Variants in YWHAB observed in about 807,000 individuals in gnomAD.
YWHAB encodes 14-3-3 protein beta/alpha.
Under a neutral mutation model 28.5 loss-of-function variants are expected in YWHAB, and 2 were observed. That is an observed-to-expected ratio of 0.07 (90% CI 0.03 to 0.22). YWHAB has a LOEUF of 0.22. Among genes scored for constraint, YWHAB ranks in the 10% least tolerant of loss-of-function variants. The pLI is 1.00. For synonymous variants in YWHAB, 103 were observed against 104.7 expected (o/e 0.98, Z 0.10); for missense variants, 148 against 297.1 (o/e 0.50, Z 3.69).
intron 4 of YWHAB, 96 bp downstream of exon 4, chr20:44,905,227 T>TG: frequency 7.5e-7 from 1 of 1,330,172 alleles, no homozygotes; most frequent in Non-Finnish European, 1.0e-6. Flanking sequence ...TCTTGGACTT[T>TG]TTTTGAAAGA....
intron 1 of YWHAB, among the ~76,000 whole-genome samples, chr20:44,896,844 ATAT>A (rs2066598899): frequency 3.3e-5 from 5 of 152,328 alleles, no homozygotes; most frequent in Admixed American, 3.3e-4. Context: ...AATCCATGTT[ATAT>A]AAGTCAAAAG....
chr20:44,887,252 A>G (rs1156447572), intron 1 of YWHAB: 1 of 152,186 alleles, frequency 6.6e-6, no homozygotes, highest in Non-Finnish European at 1.5e-5. Context: ...AAACCTGTCA[A>G]TCTTATTGGA....
intron 1 of YWHAB, among the ~76,000 whole-genome samples, chr20:44,895,531 C>T (rs2066590759): frequency 6.6e-6 from 1 of 152,150 alleles, no homozygotes; most frequent in Non-Finnish European, 1.5e-5. Context: ...TGCAGTGATG[C>T]AGTCATGGCT....
At chr20:44,891,980 C>T (rs2066565203) in intron 1 of YWHAB, among the ~76,000 whole-genome samples, 1 of 152,144 alleles carries the variant, frequency 6.6e-6, no homozygotes. Context: ...CTCTGAGAGC[C>T]AGGAGTGTTT....
At chr20:44,902,148 C>T (rs1184183845) in intron 2 of YWHAB, 5 of 248,522 alleles carry the variant, frequency 2.0e-5, no homozygotes, top group African/African-American at 1.1e-4. Flanking sequence ...GATACAGCTA[C>T]AGATAGGCTA....
chr20:44,904,002 G>A lies in YWHAB; in HGVS notation c.310G>A (p.Asp104Asn), dbSNP rs1407604864. 9 of 1,591,204 alleles carry A rather than the reference G, an allele frequency of 5.7e-6. No homozygotes were observed. The highest frequency in any genetic ancestry group is 1.9e-5 in the Admixed American group (1 of 52,302). ...AATGTTCATTTTTTAGGAGCTGTTGGACAAATATCTTATTCCCAATGCTAC... is the reference window on the plus strand; with the variant it reads ...AATGTTCATTTTTTAGGAGCTGTTGAACAAATATCTTATTCCCAATGCTAC... ...DICNDVLELL[D>N]KYLIPNATQP... is the part of the protein sequence containing the mutation. The change falls in exon 3 of 6, where the codon GAC (aspartate) becomes AAC (asparagine). Residue 104 changes from aspartate to asparagine, a missense_variant. Around this residue, in one of 2 missense-constraint regions of YWHAB, gnomAD observed 110 missense variants for 177.9 expected, o/e 0.62. Transcript: ENST00000353703.
At chr20:44,886,153 A>G (rs1020076481) in intron 1 of YWHAB, 5 of 152,328 alleles carry the variant, frequency 3.3e-5, no homozygotes, top group African/African-American at 9.6e-5. Flanking sequence ...ACTGTGCCGT[A>G]AGGGACAGCG....
chr20:44,901,586 C>G lies in YWHAB; in HGVS notation c.53C>G (p.Ala18Gly), dbSNP rs2066626967. Residue 18 changes from alanine to glycine, a missense_variant, in exon 2 of 6, where the codon GCT becomes GGT. Around this residue, in one of 2 missense-constraint regions of YWHAB, gnomAD observed 110 missense variants for 177.9 expected, o/e 0.62. Transcript: ENST00000353703. The stretch of plus-strand genomic sequence containing the variant: ...CAGAAAGCCAAACTCGCTGAGCAGG[C>G]TGAGCGATATGATGATATGGCTGCA... The part of the protein sequence containing the change: ...LVQKAKLAEQ[A>G]ERYDDMAAAM... The G allele has an allele frequency of 6.2e-7, 1 of 1,612,866 alleles. No individual in the cohort carries two copies. The highest frequency in any genetic ancestry group is 8.5e-7 in the Non-Finnish European group (1 of 1,179,100).
chr20:44,890,500 C>CTTTTTTTT (rs35619333), intron 1 of YWHAB, among the ~76,000 whole-genome samples: 2 of 86,388 alleles, frequency 2.3e-5, no homozygotes, highest in Non-Finnish European at 2.2e-5. Flanking sequence ...TGGATTCCTA[C>CTTTTTTTT]TTTTTTTTTT....
intron 1 of YWHAB, among the ~76,000 whole-genome samples, chr20:44,897,787 T>G (rs955327869): frequency 6.6e-6 from 1 of 152,260 alleles, no homozygotes; most frequent in Non-Finnish European, 1.5e-5. Context: ...GATGTACTTG[T>G]ATTAGAGTAG....
At chr20:44,886,450 G>A (rs1418771831) in intron 1 of YWHAB, 1 of 152,250 alleles carries the variant, frequency 6.6e-6, no homozygotes, top group Non-Finnish European at 1.5e-5. Context: ...TGGTTATGGA[G>A]CCTGGCAGGA....
intron 1 of YWHAB, among the ~76,000 whole-genome samples, chr20:44,897,746 A>G (rs1451967893): frequency 6.6e-6 from 1 of 152,202 alleles, no homozygotes; most frequent in Non-Finnish European, 1.5e-5. Flanking sequence ...AGGGCCAACT[A>G]TATATACTTT....
At chr20:44,900,841 T>A (rs2066622045) in intron 1 of YWHAB, among the ~76,000 whole-genome samples, 1 of 152,142 alleles carries the variant, frequency 6.6e-6, no homozygotes, top group South Asian at 2.1e-4. Flanking sequence ...AGTGGCGTGA[T>A]CTCGGCCCAC....
Position 44,907,834 on chromosome 20 carries a change from A to AT in YWHAB, c.*1396_*1397insT, listed in dbSNP as rs2066667584. 6.6e-6 allele frequency: 1 copy of AT among 152,220 alleles called. No individual in the cohort carries two copies. The highest frequency in any genetic ancestry group is 1.5e-5 in the Non-Finnish European group (1 of 68,048). 9.4% of individuals were successfully genotyped at this position (152,220 alleles called of 1,614,324 possible). ...CAACACGGTGTTGCTCTTCAGTCAT[A>AT]CCGGAATCTGAATCAAAAAAGTATT... On this transcript the variant is annotated 3_prime_UTR_variant, in exon 6 of 6. Transcript: ENST00000353703.
At chr20:44,896,110 T>C (rs2066594231) in intron 1 of YWHAB, among the ~76,000 whole-genome samples, 1 of 152,248 alleles carries the variant, frequency 6.6e-6, no homozygotes, top group Non-Finnish European at 1.5e-5. Context: ...TTTGTGAGAA[T>C]ATATTCATTA....
intron 1 of YWHAB, among the ~76,000 whole-genome samples, chr20:44,895,251 A>G (rs1270881350): frequency 2.0e-5 from 3 of 152,200 alleles, no homozygotes; most frequent in Admixed American, 6.5e-5. Context: ...AGTTTCAGAC[A>G]CGTTTGAGCA....
At chr20:44,904,884 C>T (rs893204830) in intron 3 of YWHAB, 84 bp from the exon 4 acceptor site, 259 of 1,397,964 alleles carry the variant, frequency 1.9e-4, no homozygotes, top group Non-Finnish European at 2.3e-4. Context: ...CAGTTTGGGA[C>T]TGAGAAAATA....
At chr20:44,902,852 G>C (rs2066635483) in intron 2 of YWHAB, 1 of 158,938 alleles carries the variant, frequency 6.3e-6, no homozygotes, top group Non-Finnish European at 1.3e-5. Flanking sequence ...GTTGCCTGTT[G>C]GTAATTTGGG....
chr20:44,891,648 AC>A (rs2066562712), intron 1 of YWHAB, among the ~76,000 whole-genome samples: 1 of 130,756 alleles, frequency 7.6e-6, no homozygotes, highest in African/African-American at 3.4e-5. Context: ...CCATTAAGTC[AC>A]ATGTGTAACC....
Sources: gnomAD v4.1 joint callset for allele counts (sites outside exome capture counted in the v4.1 genomes callset) on GRCh38, gnomAD v4.1.1 for gene constraint, gnomAD v4.1.1 regional missense constraint, MANE v1.5 for transcripts, NCBI Gene and HGNC (gene_info 2026-07-23, HGNC 2026-07-21) for gene names.